The following LNPK variants were observed in gnomAD, a reference collection of about 807,000 sequenced individuals.
LNPK encodes the protein endoplasmic reticulum junction formation protein lunapark.
A neutral mutation model predicts 55.2 loss-of-function variants in LNPK; 29 were observed. That is an observed-to-expected ratio of 0.53 (90% CI 0.39 to 0.72). The LOEUF (loss-of-function observed/expected upper bound fraction) is 0.72. Among genes scored for constraint, LNPK ranks in the 30% least tolerant of loss-of-function variants. The probability of loss-of-function intolerance (pLI) is 0.00; values close to 1 mark genes in which losing one functional copy is unlikely to be tolerated. For missense variants in LNPK, 467 were observed against 494.8 expected (o/e 0.94, Z 0.53); for synonymous variants, 162 against 168.2 (o/e 0.96, Z 0.29).
chr2:175,966,355 C>T (rs559302523), intron 6 of LNPK, among the ~76,000 whole-genome samples: 13 of 152,298 alleles, frequency 8.5e-5, no homozygotes, highest in Admixed American at 7.8e-4. Context: ...TGAGCCACTG[C>T]GCCCAGCTGT....
At position 175,992,357 on chromosome 2, in the gene LNPK, C is replaced by T. The variant is rs921327239; in HGVS notation, c.131G>A (p.Gly44Glu). The T allele has an allele frequency of 1.3e-6, 2 of 1,533,882 alleles. No individual in the cohort carries two copies. Among genetic ancestry groups the T allele is most frequent in the Non-Finnish European group, 8.7e-7 (1 of 1,146,810 alleles). ...KNQRLQKLWV[G>E]RLILYSSVLY... The stretch of plus-strand genomic sequence containing the variant: ...AACTGAGGAATACAGAATTAATCTT[C>T]CAACCCATAATTTTTGTAATCTCTG... The change falls in exon 4 of 13, where the codon GGA becomes GAA. Residue 44 changes from glycine to glutamate, a missense_variant. Transcript: ENST00000272748.
chr2:175,948,877 T>G (rs1685271129), intron 8 of LNPK, among the ~76,000 whole-genome samples: 1 of 152,130 alleles, frequency 6.6e-6, no homozygotes, highest in Non-Finnish European at 1.5e-5. Context: ...TTAGAAAGAT[T>G]TGGTTGGAAT....
In LNPK at chr2:175,953,762, C is replaced by T. The variant is rs550236255; in HGVS notation, c.494-6070G>A. On this transcript the variant is annotated intron_variant, in intron 8 of 12. Transcript: ENST00000272748. ...TATTCTCTCCAATCCAACATAACCT[C>T]CATGTTACTAAAAAAAAAAAAAAAA... Among the ~76,000 whole-genome samples the T allele has an allele frequency of 2.6e-3, 367 of 139,354 alleles. 4 individuals are homozygous for T. Among genetic ancestry groups the T allele is most frequent in the African/African-American group, 9.4e-3 (338 of 36,022 alleles). 91.4% of individuals were successfully genotyped at this position (139,354 alleles called of 152,430 possible).
At chr2:175,977,555 A>G (rs1416058326) in intron 5 of LNPK, among the ~76,000 whole-genome samples, 2 of 152,202 alleles carry the variant, frequency 1.3e-5, no homozygotes, top group African/African-American at 4.8e-5. Flanking sequence ...AAAAGTTTTC[A>G]GAAAAAGAGT....
chr2:175,961,327 A>T (rs540070447), intron 8 of LNPK, among the ~76,000 whole-genome samples: 1 of 152,218 alleles, frequency 6.6e-6, no homozygotes, highest in Non-Finnish European at 1.5e-5. Context: ...AACTGAATCC[A>T]GCAGCACATC....
At position 175,979,682 on chromosome 2, in the gene LNPK, T is replaced by C. The variant is rs78509227; in HGVS notation, c.316+128A>G. On this transcript the variant is annotated intron_variant, in intron 5 of 12. Transcript: ENST00000272748. ...ATCATTTATAACCTTTCTCATGCTTTATAATAAACAACTCTTCAATACTTA... is the reference window on the plus strand; with the variant it reads ...ATCATTTATAACCTTTCTCATGCTTCATAATAAACAACTCTTCAATACTTA... 349 of 722,336 alleles carry C rather than the reference T, an allele frequency of 4.8e-4. 1 individual carries two copies. The African/African-American group carries it at 5.5e-3, about 11-fold the overall frequency. 44.7% of individuals were successfully genotyped at this position (722,336 alleles called of 1,614,324 possible). A position where few individuals can be genotyped will look rare whatever the true frequency, so the allele number is the denominator to read the frequency against.
chr2:175,989,719 A>T (rs988305430), intron 4 of LNPK, among the ~76,000 whole-genome samples: 2 of 152,174 alleles, frequency 1.3e-5, no homozygotes, highest in African/African-American at 4.8e-5. Flanking sequence ...TTATATTATG[A>T]TTTAAGTTTC....
chr2:175,941,851 CA>C (rs58355662), intron 9 of LNPK, among the ~76,000 whole-genome samples: 21,504 of 99,972 alleles, frequency 0.22, 1,897 homozygotes, highest in South Asian at 0.46. Context: ...AAAAAAAAAA[CA>C]AAAAAAAAAT....
intron 1 of LNPK, among the ~76,000 whole-genome samples, chr2:176,000,907 C>T (rs1688135100): frequency 6.6e-6 from 1 of 152,090 alleles, no homozygotes; most frequent in South Asian, 2.1e-4. Flanking sequence ...TTAGTGCTTG[C>T]TTTCATGGTA....
rs200516458 is a variant in LNPK at position 175,993,192 on chromosome 2, C to T, written c.59G>A (p.Ser20Asn). 6.4e-7 allele frequency: 1 copy of T among 1,559,140 alleles called. No individual in the cohort carries two copies. Among genetic ancestry groups the T allele is most frequent in the African/African-American group, 1.4e-5 (1 of 72,716 alleles). Residue 20 changes from serine to asparagine, a missense_variant, in exon 3 of 13, where the codon AGT (serine) becomes AAT (asparagine). By Grantham distance (46) the Ser-to-Asn change is conservative. Transcript: ENST00000272748. ...TKPSTVEVLE[S>N]IDKEIQALEE... The stretch of plus-strand genomic sequence containing the variant: ...AGCCAAAGAACATACCTTATCTATA[C>T]TTTCTAGAACTTCTACAGTTGAAGG...
In LNPK at chr2:175,924,426, A is replaced by G. The variant is rs576617314; in HGVS notation, c.*5541T>C. On this transcript the variant is annotated 3_prime_UTR_variant, in exon 13 of 13. Transcript: ENST00000272748. ...TAAGTAGTTGCTGTCCACTGGAAAT[A>G]AAAGTAGACTTATAAGGTCTTATTT... 5 of 152,362 alleles carry G rather than the reference A, an allele frequency of 3.3e-5. No individual in the cohort carries two copies. The highest frequency in any genetic ancestry group is 1.2e-4 in the African/African-American group (5 of 41,592). The allele number at this position is 152,362 out of a possible 1,614,324, so 9.4% of individuals were successfully genotyped here. A position where few individuals can be genotyped will look rare whatever the true frequency, so the allele number is the denominator to read the frequency against.
At chr2:175,977,292 T>G (rs76295141) in intron 5 of LNPK, among the ~76,000 whole-genome samples, 4,881 of 152,264 alleles carry the variant, frequency 0.032, 278 homozygotes, top group East Asian at 0.26. Context: ...GCTATTTAAA[T>G]TTAAGCTATT....
In LNPK at chr2:175,929,335, C is replaced by A. The variant is rs913517960; in HGVS notation, c.*632G>T. The A allele has an allele frequency of 1.0e-6, 1 of 985,380 alleles. No individual in the cohort carries two copies. Among genetic ancestry groups the A allele is most frequent in the Non-Finnish European group, 1.2e-6 (1 of 829,622 alleles). 61.0% of individuals were successfully genotyped at this position (985,380 alleles called of 1,614,324 possible). Reference sequence around the variant, plus strand: ...AAATAAAAGACATCAAAAAGAAACACTGCAGTTGACTGTTTCATTGCATTC... The same window carrying A: ...AAATAAAAGACATCAAAAAGAAACAATGCAGTTGACTGTTTCATTGCATTC... On this transcript the variant is annotated 3_prime_UTR_variant, in exon 13 of 13. Transcript: ENST00000272748.
intron 4 of LNPK, among the ~76,000 whole-genome samples, chr2:175,983,059 G>A (rs915414392): frequency 6.6e-6 from 1 of 152,102 alleles, no homozygotes; most frequent in African/African-American, 2.4e-5. Flanking sequence ...TCCAAAAAGT[G>A]GAAGCAAAAC....
intron 2 of LNPK, chr2:175,994,084 G>A (rs1026819978): frequency 1.6e-6 from 1 of 630,088 alleles, no homozygotes; most frequent in African/African-American, 2.0e-5. Context: ...TATACATCTA[G>A]AATGAAAACC....
At position 175,992,331 on chromosome 2, in the gene LNPK, G is replaced by A; in HGVS notation, c.157C>T (p.Leu53Phe). 2 of 1,558,606 alleles carry A rather than the reference G, an allele frequency of 1.3e-6. No individual in the cohort carries two copies. The highest frequency in any genetic ancestry group is 1.7e-6 in the Non-Finnish European group (2 of 1,157,556). Residue 53 changes from leucine to phenylalanine, a missense_variant, in exon 4 of 13, where the codon CTC (leucine) becomes TTC (phenylalanine). Leu to Phe is a conservative substitution (Grantham distance 22). Coordinates refer to ENST00000272748, the MANE Select transcript of LNPK (RefSeq NM_030650.3). ...VGRLILYSSV[L>F]YLFTCLIVYL... ...ACAATTAAGCATGTAAACAGATAGA[G>A]AACTGAGGAATACAGAATTAATCTT...
chr2:175,978,709 G>GT (rs1365463512), intron 5 of LNPK, among the ~76,000 whole-genome samples: 1 of 152,200 alleles, frequency 6.6e-6, no homozygotes, highest in Non-Finnish European at 1.5e-5. Context: ...TGAGCATGTT[G>GT]TATGATTTTC....
intron 6 of LNPK, among the ~76,000 whole-genome samples, chr2:175,967,211 A>G (rs958596546): frequency 1.3e-5 from 2 of 152,190 alleles, no homozygotes; most frequent in Non-Finnish European, 2.9e-5. Flanking sequence ...TAAAGAATGA[A>G]TCATTTTTCT....
intron 1 of LNPK, among the ~76,000 whole-genome samples, 157 bp from the exon 2 acceptor site, chr2:175,995,803 C>CTTTT (rs1559078193): frequency 1.2e-4 from 8 of 67,218 alleles, no homozygotes; most frequent in South Asian, 5.8e-4. Context: ...ATAGAGTCTA[C>CTTTT]CTTTTTTTTT....
Sources: allele counts gnomAD v4.1 joint callset (sites outside exome capture counted in the v4.1 genomes callset), GRCh38; gene constraint gnomAD v4.1.1; transcripts MANE v1.5; gene names NCBI Gene and HGNC (gene_info 2026-07-23, HGNC 2026-07-21).